MICAL3: variants seen among roughly 807,000 people sequenced by gnomAD.
MICAL3 encodes microtubule associated monooxygenase, calponin and LIM domain containing 3, also known as [F-actin]-monooxygenase MICAL3.
In MICAL3, 62 loss-of-function variants were observed where a neutral mutation model predicts 207.4. That is an observed-to-expected ratio of 0.30 (90% CI 0.24 to 0.37). The LOEUF is 0.37. MICAL3 is among the 10% of genes least tolerant of loss of function. The probability of loss-of-function intolerance (pLI) is 1.00; values close to 1 mark genes in which losing one functional copy is unlikely to be tolerated. For synonymous variants in MICAL3, 1,077 were observed against 1,069.3 expected (o/e 1.01, Z -0.14); for missense variants, 2,368 against 2,635.6 (o/e 0.90, Z 2.22).
In MICAL3 at chr22:17,788,876, A is replaced by T. The variant is rs1015291468; in HGVS notation, c.*1856T>A. 1 of 152,392 alleles carries T rather than the reference A, an allele frequency of 6.6e-6. No individual in the cohort carries two copies. Among genetic ancestry groups the T allele is most frequent in the Non-Finnish European group, 1.5e-5 (1 of 68,138 alleles). 9.4% of individuals were successfully genotyped at this position (152,392 alleles called of 1,614,324 possible). A position where few individuals can be genotyped will look rare whatever the true frequency, so the allele number is the denominator to read the frequency against. ...TCAGCACAGCCACTCAGCCTGCTCCACTGCGGGACGCCTTGGAGGGGCCAG... is the reference window on the plus strand; with the variant it reads ...TCAGCACAGCCACTCAGCCTGCTCCTCTGCGGGACGCCTTGGAGGGGCCAG... On this transcript the variant is annotated 3_prime_UTR_variant, in exon 32 of 32. Coordinates refer to ENST00000441493, the MANE Select transcript of MICAL3 (RefSeq NM_015241.3).
intron 20 of MICAL3, among the ~76,000 whole-genome samples, chr22:17,838,955 CTTTTT>C (rs869097812): frequency 1.1e-5 from 1 of 88,436 alleles, no homozygotes; most frequent in South Asian, 4.0e-4. Flanking sequence ...CCCCTAGATG[CTTTTT>C]TTTTTTTTTT....
intron 16 of MICAL3, among the ~76,000 whole-genome samples, chr22:17,873,391 G>T (rs968394312): frequency 2.6e-5 from 4 of 152,246 alleles, no homozygotes; most frequent in Non-Finnish European, 5.9e-5. Flanking sequence ...GCTTCCTGAC[G>T]CTTGACCCCA....
At chr22:18,018,946 C>G (rs1235761134) in intron 1 of MICAL3, among the ~76,000 whole-genome samples, 2 of 152,154 alleles carry the variant, frequency 1.3e-5, no homozygotes, top group Non-Finnish European at 2.9e-5. Context: ...AATACCAGTA[C>G]TTTGGGAGGC....
chr22:17,920,472 A>C (rs1207012163), intron 1 of MICAL3, among the ~76,000 whole-genome samples: 1 of 152,024 alleles, frequency 6.6e-6, no homozygotes, highest in Non-Finnish European at 1.5e-5. Flanking sequence ...ACAGGCTCAG[A>C]CGCGTTCCGG....
chr22:17,977,378 G>C (rs1442889658), intron 1 of MICAL3, among the ~76,000 whole-genome samples: 1 of 152,058 alleles, frequency 6.6e-6, no homozygotes, highest in Non-Finnish European at 1.5e-5. Context: ...ACAGCCAAAG[G>C]ATTTGGACAG....
chr22:17,844,217 C>T (rs570676468), intron 19 of MICAL3, among the ~76,000 whole-genome samples: 6 of 152,304 alleles, frequency 3.9e-5, no homozygotes, highest in African/African-American at 1.4e-4. Flanking sequence ...ACTGGGCTGG[C>T]ATCCTGGCTG....
chr22:17,955,582 T>C (rs1238272194), intron 1 of MICAL3, among the ~76,000 whole-genome samples: 1 of 152,234 alleles, frequency 6.6e-6, no homozygotes, highest in Non-Finnish European at 1.5e-5. Context: ...AGCCAAGAGA[T>C]GCCTACACTC....
chr22:18,001,001 C>T (rs1206383950), intron 1 of MICAL3: 3 of 152,206 alleles, frequency 2.0e-5, no homozygotes, highest in African/African-American at 7.2e-5. Flanking sequence ...CGGGCTAAGC[C>T]CCCACCCTCC....
At position 17,904,830 on chromosome 22, in the gene MICAL3, T is replaced by C. The variant is rs1438405852; in HGVS notation, c.274A>G (p.Ile92Val). The change falls in exon 3 of 32, where the codon ATT (isoleucine) becomes GTT (valine). Residue 92 changes from isoleucine (I) to valine (V), a missense_variant. Ile to Val is a conservative substitution (Grantham distance 29). Transcript: ENST00000441493. ...CGGAGACCACAGGGGCCAGCCCCAATGATGAGACACTGAAAAACACAGCTG... is the reference window on the plus strand; with the variant it reads ...CGGAGACCACAGGGGCCAGCCCCAACGATGAGACACTGAAAAACACAGCTG... ...KACTNTKCLI[I>V]GAGPCGLRTA... 2 of 1,613,280 alleles carry C rather than the reference T, an allele frequency of 1.2e-6. No homozygotes were observed. The highest frequency in any genetic ancestry group is 2.7e-5 in the African/African-American group (2 of 75,044).
intron 26 of MICAL3, 93 bp from the exon 27 acceptor site, chr22:17,816,877 G>A (rs765466256): frequency 4.3e-5 from 40 of 923,496 alleles, no homozygotes; most frequent in Middle Eastern, 6.2e-4. Context: ...CAAGGAGGCC[G>A]GGTGGGGGGC....
At position 17,887,308 on chromosome 22, in the gene MICAL3, G is replaced by C. The variant is rs1213262377; in HGVS notation, c.2004+15C>G. The stretch of plus-strand genomic sequence containing the variant: ...CCATTAGCTTTGCAGCCCATCAAGA[G>C]ACTCCTCCACATACCTTGGGAGAAC... On this transcript the variant is annotated intron_variant, in intron 14 of 31. Coordinates refer to ENST00000441493, the MANE Select transcript of MICAL3 (RefSeq NM_015241.3). 6.2e-7 allele frequency: 1 copy of C among 1,611,444 alleles called. No individual in the cohort carries two copies.
chr22:17,960,569 A>G (rs1469324991), intron 1 of MICAL3, among the ~76,000 whole-genome samples: 5 of 152,144 alleles, frequency 3.3e-5, no homozygotes. Flanking sequence ...AGGAGACTCC[A>G]GGAGCTCTGC....
chr22:17,886,988 CAAAAAAAA>C (rs55999508), intron 15 of MICAL3, among the ~76,000 whole-genome samples, 174 bp downstream of exon 15: 2 of 41,340 alleles, frequency 4.8e-5, no homozygotes, highest in Non-Finnish European at 9.4e-5. Flanking sequence ...ACTCTTGTCT[CAAAAAAAA>C]AAAAAAAAAA....
chr22:17,967,694 G>T (rs1935212013), intron 1 of MICAL3, among the ~76,000 whole-genome samples: 1 of 151,706 alleles, frequency 6.6e-6, no homozygotes, highest in Admixed American at 6.6e-5. Flanking sequence ...GATCACTTGA[G>T]ACCAGGAATT....
chr22:17,963,561 TG>T (rs1167209189), intron 1 of MICAL3, among the ~76,000 whole-genome samples: 2 of 152,070 alleles, frequency 1.3e-5, no homozygotes, highest in African/African-American at 4.8e-5. Context: ...CCTGCCTCCA[TG>T]CAACCCCAAG....
At chr22:17,893,202 C>A (rs1327449823) in intron 11 of MICAL3, among the ~76,000 whole-genome samples, 1 of 152,192 alleles carries the variant, frequency 6.6e-6, no homozygotes, top group Non-Finnish European at 1.5e-5. Flanking sequence ...AGGCCCAGAT[C>A]TGGGCCTCCA....
Position 17,938,890 on chromosome 22 carries a change from C to T in MICAL3, c.-74-32004G>A, listed in dbSNP as rs572089568. ...GATCTGCGTGAGTCTCAGGCTCTTG[C>T]TCCCACCCCTGGCTACCATGTACAG... is the stretch of plus-strand genomic sequence containing the variant. On this transcript the variant is annotated intron_variant, in intron 1 of 31. Transcript: ENST00000441493. 2.0e-5 allele frequency among the ~76,000 whole-genome samples: 3 copies of T among 152,308 alleles called. No homozygotes were observed. The East Asian group carries it at 5.8e-4, about 29-fold the overall frequency.
intron 27 of MICAL3, chr22:17,815,371 G>A (rs750157884): frequency 3.9e-5 from 6 of 152,282 alleles, no homozygotes; most frequent in Non-Finnish European, 8.8e-5. Context: ...TGACACAATA[G>A]GTTGAATGTC....
Position 17,871,873 on chromosome 22 carries a change from G to A in MICAL3, c.2392C>T (p.Leu798=), listed in dbSNP as rs760886817. The A allele has an allele frequency of 1.9e-6, 3 of 1,611,056 alleles. No homozygotes were observed. Among genetic ancestry groups the A allele is most frequent in the East Asian group, 4.5e-5 (2 of 44,800 alleles). ...TCGTAGGCGTAGGCCGAGAGGCGCA[G>A]GGTGGTGGCGCAGTACTCGCACTTG... The part of the protein sequence containing the change: ...CFKCEYCATT[L]RLSAYAYDIE... The change falls in exon 17 of 32, where the codon CTG becomes TTG. Residue 798 remains leucine, a synonymous_variant. Coordinates refer to ENST00000441493, the MANE Select transcript of MICAL3 (RefSeq NM_015241.3).
Sources: gnomAD v4.1 joint callset for allele counts (sites outside exome capture counted in the v4.1 genomes callset) on GRCh38, gnomAD v4.1.1 for gene constraint, MANE v1.5 for transcripts, NCBI Gene and HGNC (gene_info 2026-07-23, HGNC 2026-07-21) for gene names.